Variants in DCLK2 observed in about 807,000 individuals in gnomAD.
DCLK2 encodes the protein serine/threonine-protein kinase DCLK2.
A neutral mutation model predicts 78.4 loss-of-function variants in DCLK2; 31 were observed. The observed-to-expected ratio is 0.40, with a 90% CI of 0.30 to 0.53. The LOEUF (loss-of-function observed/expected upper bound fraction) is 0.53, where lower values mean the gene tolerates loss of function less well. DCLK2 is among the 20% of genes least tolerant of loss of function. The pLI is 0.61. For synonymous variants in DCLK2, 407 were observed against 374.9 expected (o/e 1.09, Z -0.99); for missense variants, 872 against 973.7 (o/e 0.90, Z 1.39).
intron 4 of DCLK2, among the ~76,000 whole-genome samples, chr4:150,198,389 CT>C (rs1350139686): frequency 2.0e-5 from 3 of 152,240 alleles, no homozygotes; most frequent in East Asian, 1.9e-4. Context: ...ATTTTGACCC[CT>C]GTATACTGCA....
intron 8 of DCLK2, among the ~76,000 whole-genome samples, chr4:150,228,444 G>T (rs914482201): frequency 1.3e-5 from 2 of 152,182 alleles, no homozygotes; most frequent in South Asian, 4.1e-4. Flanking sequence ...ACTCCTTCAC[G>T]TGAACACTTT....
intron 13 of DCLK2, 41 bp downstream of exon 13, chr4:150,247,740 G>A (rs1743440534): frequency 6.5e-7 from 1 of 1,549,894 alleles, no homozygotes; most frequent in African/African-American, 1.4e-5. Flanking sequence ...ATTACGTTGT[G>A]GGGTCCTCAC....
intron 1 of DCLK2, among the ~76,000 whole-genome samples, chr4:150,095,146 A>T (rs1300450442): frequency 6.6e-6 from 1 of 152,234 alleles, no homozygotes; most frequent in African/African-American, 2.4e-5. Flanking sequence ...CATAAAACAC[A>T]CGCAGCCAGA....
intron 2 of DCLK2, among the ~76,000 whole-genome samples, chr4:150,149,332 ATGT>A (rs1198133275): frequency 6.6e-6 from 1 of 152,210 alleles, no homozygotes; most frequent in Non-Finnish European, 1.5e-5. Context: ...TAATTAAATA[ATGT>A]TGTCAGGCAC....
At chr4:150,087,013 T>C (rs1729696583) in intron 1 of DCLK2, among the ~76,000 whole-genome samples, 1 of 152,226 alleles carries the variant, frequency 6.6e-6, no homozygotes, top group South Asian at 2.1e-4. Flanking sequence ...TTTAATTTTG[T>C]GAGTCAGAAA....
At chr4:150,203,477 ACCTTTGCTGG>A (rs775313471) in intron 4 of DCLK2, among the ~76,000 whole-genome samples, 13 of 152,082 alleles carry the variant, frequency 8.5e-5, no homozygotes, top group Non-Finnish European at 1.6e-4. Flanking sequence ...AGCCATCTCT[ACCTTTGCTGG>A]CAGGCAGGAT....
intron 1 of DCLK2, 113 bp downstream of exon 1, chr4:150,079,561 G>A (rs1729090114): frequency 9.1e-7 from 1 of 1,098,710 alleles, no homozygotes; most frequent in South Asian, 1.7e-5. Context: ...CACGGGAATT[G>A]ATGCTTCTGT....
intron 10 of DCLK2, among the ~76,000 whole-genome samples, chr4:150,237,819 C>A (rs540301707): frequency 2.0e-4 from 31 of 152,256 alleles, no homozygotes; most frequent in Non-Finnish European, 3.7e-4. Flanking sequence ...TGAGACAAAG[C>A]AAACTATGCT....
intron 5 of DCLK2, among the ~76,000 whole-genome samples, chr4:150,217,925 AAT>A (rs1458707855): frequency 2.0e-5 from 3 of 152,192 alleles, no homozygotes; most frequent in African/African-American, 7.2e-5. Context: ...AGCTTTGAAA[AAT>A]GTCCTTGCCC....
At chr4:150,173,751 G>A (rs529035635) in intron 2 of DCLK2, among the ~76,000 whole-genome samples, 32 of 152,230 alleles carry the variant, frequency 2.1e-4, no homozygotes, top group Admixed American at 5.2e-4. Flanking sequence ...TGCATTGGGG[G>A]AAACTTCATG....
At chr4:150,149,605 G>A (rs1189380301) in intron 2 of DCLK2, among the ~76,000 whole-genome samples, 11 of 152,212 alleles carry the variant, frequency 7.2e-5, no homozygotes, top group Non-Finnish European at 1.5e-4. Flanking sequence ...TTTTTGGTTT[G>A]TGGAGCTTTT....
At chr4:150,119,137 A>G (rs888982391) in intron 2 of DCLK2, among the ~76,000 whole-genome samples, 3 of 152,084 alleles carry the variant, frequency 2.0e-5, no homozygotes, top group African/African-American at 4.8e-5. Context: ...CCATGTAATC[A>G]TGTATCCTGG....
intron 1 of DCLK2, among the ~76,000 whole-genome samples, chr4:150,085,738 G>A (rs1729590426): frequency 1.3e-5 from 2 of 152,178 alleles, no homozygotes; most frequent in Non-Finnish European, 2.9e-5. Flanking sequence ...AAGTCACCAT[G>A]AGTGAACCAA....
chr4:150,256,033 A>T lies in DCLK2; in HGVS notation c.2087A>T (p.Asp696Val). 1 of 1,611,650 alleles carries T rather than the reference A, an allele frequency of 6.2e-7. No homozygotes were observed. Among genetic ancestry groups the T allele is most frequent in the East Asian group, 2.2e-5 (1 of 44,722 alleles). ...GVSVIMNTAL[D>V]KEGQIFCSKH... ...TTTCCTCCTCAGAACACGGCTCTAG[A>T]TAAGGAGGGGCAGATTTTCTGCAGC... Residue 696 changes from aspartate (D) to valine (V), a missense_variant, in exon 16 of 16, where the codon GAT (aspartate) becomes GTT (valine). Asp to Val is a radical substitution (Grantham distance 152, BLOSUM62 -3). Coordinates refer to ENST00000296550, the MANE Select transcript of DCLK2 (RefSeq NM_001040260.4).
intron 15 of DCLK2, among the ~76,000 whole-genome samples, chr4:150,251,121 C>T (rs186948867): frequency 0.092 from 14 of 152 alleles, no homozygotes; most frequent in African/African-American, 0.19. Flanking sequence ...CACACATCCC[C>T]CACACCACAC....
chr4:150,232,505 C>A, intron 9 of DCLK2, 49 bp downstream of exon 9: 2 of 1,601,584 alleles, frequency 1.2e-6, no homozygotes, highest in Non-Finnish European at 1.7e-6. Flanking sequence ...CAATTTACAA[C>A]ATCCTTGAAG....
intron 15 of DCLK2, chr4:150,253,275 G>T (rs756491075): frequency 1.7e-5 from 10 of 582,638 alleles, no homozygotes; most frequent in Non-Finnish European, 2.8e-5. Context: ...ACAAATGATA[G>T]TGGAAATAGT....
intron 2 of DCLK2, among the ~76,000 whole-genome samples, chr4:150,131,113 C>G (rs1393141001): frequency 6.6e-6 from 1 of 152,098 alleles, no homozygotes; most frequent in Non-Finnish European, 1.5e-5. Flanking sequence ...GCGTCAAACT[C>G]CTGGACTCAA....
chr4:150,250,877 C>G (rs1560912342), intron 15 of DCLK2, among the ~76,000 whole-genome samples: 1 of 102,248 alleles, frequency 9.8e-6, no homozygotes. Flanking sequence ...CAACATCCCC[C>G]ACACTCCCCA....
Sources: allele counts gnomAD v4.1 joint callset (sites outside exome capture counted in the v4.1 genomes callset), GRCh38; gene constraint gnomAD v4.1.1; transcripts MANE v1.5; gene names NCBI Gene and HGNC (gene_info 2026-07-23, HGNC 2026-07-21).